COL14A1: variants seen among roughly 807,000 people sequenced by gnomAD.
The protein encoded by COL14A1 is collagen alpha-1(XIV) chain.
A neutral mutation model predicts 230.3 loss-of-function variants in COL14A1; 136 were observed. The observed-to-expected ratio is 0.59, with a 90% CI of 0.51 to 0.68. The LOEUF (loss-of-function observed/expected upper bound fraction) is 0.68, where lower values mean the gene tolerates loss of function less well. Among genes scored for constraint, COL14A1 ranks in the 30% least tolerant of loss-of-function variants. COL14A1 has a pLI of 0.00. For synonymous variants in COL14A1, 792 were observed against 784.1 expected (o/e 1.01, Z -0.17); for missense variants, 1,976 against 2,215.8 (o/e 0.89, Z 2.17).
In COL14A1 at chr8:120,154,398, A is replaced by G. The variant is rs552794863; in HGVS notation, c.89-3732A>G. ...TTGCAGTGGTATTCTTTGAGCTTAA[A>G]GAAAATCTTCCTTCACAAACAAAGC... On this transcript the variant is annotated intron_variant, in intron 2 of 47. Coordinates refer to ENST00000297848, the MANE Select transcript of COL14A1 (RefSeq NM_021110.4). Among the ~76,000 whole-genome samples, 6 of 152,298 alleles carry G rather than the reference A, an allele frequency of 3.9e-5. No individual in the cohort carries two copies. The South Asian group carries it at 1.2e-3, about 32-fold the overall frequency.
At chr8:120,280,894 C>G (rs374640976) in intron 30 of COL14A1, 27 bp from the exon 31 acceptor site, 140 of 1,439,780 alleles carry the variant, frequency 9.7e-5, no homozygotes, top group Non-Finnish European at 1.2e-4. Flanking sequence ...TATGTTTATT[C>G]TTTTTCTACT....
chr8:120,280,634 C>T (rs1403427574), intron 29 of COL14A1, 77 bp from the exon 30 acceptor site: 4 of 1,345,962 alleles, frequency 3.0e-6, no homozygotes, highest in Non-Finnish European at 4.2e-6. Context: ...TATTAGTTTC[C>T]TGTTCTCAGG....
chr8:120,209,450 A>G (rs1377867948), intron 11 of COL14A1, among the ~76,000 whole-genome samples: 2 of 152,170 alleles, frequency 1.3e-5, no homozygotes, highest in Non-Finnish European at 2.9e-5. Flanking sequence ...GATTAGTGCA[A>G]TGAAGGGCTG....
At chr8:120,340,537 A>G (rs985358360) in intron 42 of COL14A1, among the ~76,000 whole-genome samples, 1 of 152,216 alleles carries the variant, frequency 6.6e-6, no homozygotes, top group Non-Finnish European at 1.5e-5. Context: ...CTTTTAGTCG[A>G]GACTATAAAA....
At chr8:120,330,470 T>TA (rs1173409022) in intron 40 of COL14A1, among the ~76,000 whole-genome samples, 5 of 152,150 alleles carry the variant, frequency 3.3e-5, no homozygotes, top group Non-Finnish European at 7.3e-5. Context: ...AGTGACATCT[T>TA]AAATGACGGC....
intron 23 of COL14A1, among the ~76,000 whole-genome samples, chr8:120,260,199 T>G (rs1819278818): frequency 5.3e-5 from 8 of 152,156 alleles, no homozygotes. Context: ...CAAATAGCTT[T>G]AATTCATTTA....
At position 120,315,006 on chromosome 8, in the gene COL14A1, A is replaced by G. The variant is rs1363918690; in HGVS notation, c.4552-527A>G. Among the ~76,000 whole-genome samples, 14 of 152,210 alleles carry G rather than the reference A, an allele frequency of 9.2e-5. No homozygotes were observed. The East Asian group carries it at 9.6e-4, about 10-fold the overall frequency. On this transcript the variant is annotated intron_variant, in intron 38 of 47. Transcript: ENST00000297848. ...AGACTGTATATTCTATGTTAAAACT[A>G]TCCTGGTATATAAATGTTCAGCTCC...
At chr8:120,332,576 G>A (rs1002080785) in intron 41 of COL14A1, 88 bp from the exon 42 acceptor site, 3 of 1,067,288 alleles carry the variant, frequency 2.8e-6, no homozygotes, top group Non-Finnish European at 4.2e-6. Flanking sequence ...ATCATGGTGT[G>A]TATTTGTTAC....
chr8:120,342,522 C>T (rs1408417972), intron 44 of COL14A1, 76 bp downstream of exon 44: 33 of 1,389,316 alleles, frequency 2.4e-5, no homozygotes, highest in Middle Eastern at 1.8e-4. Context: ...TTCCCATGAG[C>T]GTACCACTAA....
chr8:120,183,239 T>C (rs748605831), intron 5 of COL14A1, among the ~76,000 whole-genome samples: 1 of 152,144 alleles, frequency 6.6e-6, no homozygotes, highest in Non-Finnish European at 1.5e-5. Context: ...GAGATATACA[T>C]GGACGGGTCA....
chr8:120,245,138 A>G (rs12542829), intron 20 of COL14A1, among the ~76,000 whole-genome samples: 14,095 of 152,206 alleles, frequency 0.093, 1,273 homozygotes, highest in East Asian at 0.4. Context: ...TCTAGGCTCA[A>G]TGTCACCTCC....
At chr8:120,275,214 G>C (rs751895844) in intron 26 of COL14A1, among the ~76,000 whole-genome samples, 2 of 151,742 alleles carry the variant, frequency 1.3e-5, no homozygotes, top group Non-Finnish European at 2.9e-5. Flanking sequence ...ACTGATCTTG[G>C]ACAAAACATT....
At chr8:120,258,609 T>C (rs1819233859) in intron 23 of COL14A1, among the ~76,000 whole-genome samples, 1 of 151,938 alleles carries the variant, frequency 6.6e-6, no homozygotes, top group Non-Finnish European at 1.5e-5. Context: ...CCTTTACCCA[T>C]GTAAATATTA....
chr8:120,335,868 A>G, intron 42 of COL14A1, among the ~76,000 whole-genome samples: 1 of 152,336 alleles, frequency 6.6e-6, no homozygotes, highest in Non-Finnish European at 1.5e-5. Flanking sequence ...TGCTGGGGCC[A>G]TGTGTTCAGC....
chr8:120,170,406 T>C (rs1816059022), intron 5 of COL14A1, among the ~76,000 whole-genome samples: 1 of 152,054 alleles, frequency 6.6e-6, no homozygotes, highest in African/African-American at 2.4e-5. Context: ...GATCCATGAG[T>C]TACTTAGAAA....
At chr8:120,307,534 T>C (rs1470322829) in intron 36 of COL14A1, among the ~76,000 whole-genome samples, 1 of 152,136 alleles carries the variant, frequency 6.6e-6, no homozygotes, top group Non-Finnish European at 1.5e-5. Context: ...CACCAAGCAA[T>C]TTATGACTTC....
intron 12 of COL14A1, among the ~76,000 whole-genome samples, chr8:120,211,923 A>G (rs574013819): frequency 1.3e-5 from 2 of 152,344 alleles, no homozygotes; most frequent in African/African-American, 4.8e-5. Context: ...TCTCTTCTGA[A>G]TACTGGAAGT....
intron 45 of COL14A1, among the ~76,000 whole-genome samples, chr8:120,356,942 T>A (rs1384428121): frequency 6.6e-6 from 1 of 152,170 alleles, no homozygotes; most frequent in Non-Finnish European, 1.5e-5. Flanking sequence ...TGTAGTCATT[T>A]TAAGGCATTG....
intron 40 of COL14A1, among the ~76,000 whole-genome samples, chr8:120,319,516 G>A (rs1052670221): frequency 2.6e-5 from 4 of 152,004 alleles, no homozygotes; most frequent in South Asian, 2.1e-4. Context: ...AACTTAAAGC[G>A]CAAACCAGGT....
Sources: gnomAD v4.1 joint callset for allele counts (sites outside exome capture counted in the v4.1 genomes callset) on GRCh38, gnomAD v4.1.1 for gene constraint, MANE v1.5 for transcripts, NCBI Gene and HGNC (gene_info 2026-07-23, HGNC 2026-07-21) for gene names.